The following ZNF236 variants were observed in gnomAD, a reference collection of about 807,000 sequenced individuals.
ZNF236 encodes the protein regulated by glucose.
In ZNF236, 50 loss-of-function variants were observed where a neutral mutation model predicts 191.2. That is an observed-to-expected ratio of 0.26 (90% confidence interval 0.21 to 0.33). The LOEUF (loss-of-function observed/expected upper bound fraction) is 0.33, where lower values mean the gene tolerates loss of function less well. Among genes scored for constraint, ZNF236 ranks in the 10% least tolerant of loss-of-function variants. The pLI is 1.00. For missense variants in ZNF236, 1,754 were observed against 2,374.5 expected, an observed-to-expected ratio of 0.74 and a Z score of 5.43; for synonymous variants, 907 against 928.8, an observed-to-expected ratio of 0.98 and a Z score of 0.43.
chr18:76,860,703 T>G (rs555966275), intron 3 of ZNF236, among the ~76,000 whole-genome samples: 1 of 152,360 alleles, frequency 6.6e-6, no homozygotes, highest in South Asian at 2.1e-4. Context: ...TCCCTTCGTC[T>G]CTTGCTGTTG....
Position 76,927,204 on chromosome 18 carries a change from C to T in ZNF236, c.4173+22C>T, listed in dbSNP as rs1967724635. ...GCAGGTATGACACCTTCCATGGTCT[C>T]CTGTGCTGTAATTCTCTTGGCATCA... On this transcript the variant is annotated intron_variant, in intron 23 of 30. Transcript: ENST00000320610. The surrounding 1 kb of genome is among the most constrained non-coding windows in gnomAD (Gnocchi z 5.4). The T allele has an allele frequency of 4.3e-6, 7 of 1,612,084 alleles. No individual in the cohort carries two copies. The highest frequency in any genetic ancestry group is 5.1e-6 in the Non-Finnish European group (6 of 1,178,224).
chr18:76,919,924 G>C lies in ZNF236; in HGVS notation c.3423G>C (p.Leu1141=). 2 of 1,614,208 alleles carry C rather than the reference G, an allele frequency of 1.2e-6. No individual in the cohort carries two copies. The highest frequency in any genetic ancestry group is 1.7e-6 in the Non-Finnish European group (2 of 1,180,042). The change falls in exon 20 of 31, where the codon CTG becomes CTC. Residue 1141 remains leucine, a synonymous_variant. Transcript: ENST00000320610. The surrounding 1 kb of genome is among the most constrained non-coding windows in gnomAD (Gnocchi z 5.3). ...GCGCCACGGTGTCAGAGAAGGTCCT[G>C]GTGCAGTCCGCGGCAGAAAAGGACC... ...QESATVSEKV[L]VQSAAEKDRI...
At chr18:76,825,533 A>C (rs1298135310) in intron 1 of ZNF236, among the ~76,000 whole-genome samples, 2 of 152,248 alleles carry the variant, frequency 1.3e-5, no homozygotes, top group African/African-American at 4.8e-5. Flanking sequence ...GAGAAAATGC[A>C]GAATAGATAT....
intron 11 of ZNF236, among the ~76,000 whole-genome samples, chr18:76,902,300 A>T (rs1002851828): frequency 1.3e-5 from 2 of 152,196 alleles, no homozygotes; most frequent in African/African-American, 4.8e-5. Context: ...CTTGGCTGTC[A>T]TAATCTTTGG....
In ZNF236 at chr18:76,910,818, A is replaced by G. The variant is rs1260506085; in HGVS notation, c.2805+7A>G. The G allele has an allele frequency of 6.2e-7, 1 of 1,613,904 alleles. No individual in the cohort carries two copies. Among genetic ancestry groups the G allele is most frequent in the South Asian group, 1.1e-5 (1 of 91,048 alleles). The stretch of plus-strand genomic sequence containing the variant: ...CTCTGATGGGATGAATGTAGTGAGT[A>G]TGGACAGAGGGGTGCATACATGGCA... On this transcript the variant is annotated splice_region_variant and intron_variant, in intron 16 of 30. Coordinates refer to ENST00000320610, the MANE Select transcript of ZNF236 (RefSeq NM_001306089.2).
At chr18:76,939,011 A>T (rs74182678) in intron 26 of ZNF236, among the ~76,000 whole-genome samples, 1 of 152,098 alleles carries the variant, frequency 6.6e-6, no homozygotes, top group Admixed American at 6.5e-5. Context: ...AATGTTAGCA[A>T]TTCGTATCAT....
intron 25 of ZNF236, among the ~76,000 whole-genome samples, chr18:76,928,936 G>A (rs796238393): frequency 4.0e-5 from 6 of 150,796 alleles, no homozygotes; most frequent in African/African-American, 9.8e-5. Context: ...TTTAAGACTC[G>A]TAACCTGATG....
At chr18:76,891,182 A>G (rs1319192631) in intron 9 of ZNF236, among the ~76,000 whole-genome samples, 1 of 152,148 alleles carries the variant, frequency 6.6e-6, no homozygotes, top group East Asian at 1.9e-4. Context: ...CGAGTTGTTC[A>G]AGGGTCAGTT....
At chr18:76,964,232 G>T (rs1290191997) in intron 30 of ZNF236, among the ~76,000 whole-genome samples, 2 of 152,150 alleles carry the variant, frequency 1.3e-5, no homozygotes, top group African/African-American at 4.8e-5. Flanking sequence ...TGCCTTTGCT[G>T]TATCCCAGAG....
chr18:76,833,338 T>TG (rs1018902711), intron 1 of ZNF236, among the ~76,000 whole-genome samples: 2 of 152,122 alleles, frequency 1.3e-5, no homozygotes, highest in Non-Finnish European at 1.5e-5. Context: ...GGGTTTCTTT[T>TG]GGGGGGTGGA....
intron 25 of ZNF236, chr18:76,936,295 T>C (rs1967996594): frequency 2.2e-6 from 1 of 456,116 alleles, no homozygotes; most frequent in Non-Finnish European, 4.4e-6. Context: ...ATGGCTCGAC[T>C]GTGGGATAAA....
In ZNF236 at chr18:76,823,668, GAC is replaced by G. The variant is rs1974931658; in HGVS notation, c.55+1012_55+1013del. On this transcript the variant is annotated intron_variant, in intron 1 of 30. Coordinates refer to ENST00000320610, the MANE Select transcript of ZNF236 (RefSeq NM_001306089.2). ...AAGGCCCAGAATTTAAGAGCAGGCA[GAC>G]ACACAACCGGGCACCCCCAGACCCT... is the stretch of plus-strand genomic sequence containing the variant. Among the ~76,000 whole-genome samples the G allele has an allele frequency of 3.9e-5, 6 of 152,366 alleles. No homozygotes were observed. In the South Asian group the frequency reaches 1.2e-3, roughly 32 times the overall value.
chr18:76,936,434 T>G, intron 25 of ZNF236: 3 of 456,400 alleles, frequency 6.6e-6, no homozygotes, highest in Admixed American at 2.4e-5. Context: ...AGTGTCTGTT[T>G]TGTAAAAGAA....
At chr18:76,965,661 G>T (rs192678710) in intron 30 of ZNF236, among the ~76,000 whole-genome samples, 1 of 152,292 alleles carries the variant, frequency 6.6e-6, no homozygotes, top group Admixed American at 6.5e-5. Flanking sequence ...CTTTATTCTT[G>T]GTCTAGCCGC....
At position 76,880,553 on chromosome 18, in the gene ZNF236, A is replaced by G. The variant is rs1353739318; in HGVS notation, c.1188+237A>G. On this transcript the variant is annotated intron_variant, in intron 8 of 30. Transcript: ENST00000320610. The surrounding 1 kb of genome is among the most constrained non-coding windows in gnomAD (Gnocchi z 5.0). ...AATCACAAACTTTTATTTTTTTTCC[A>G]TAAGTGAACTTTACTTGAAAAGAAC... 6.6e-6 allele frequency among the ~76,000 whole-genome samples: 1 copy of G among 151,650 alleles called. No individual in the cohort carries two copies. The highest frequency in any genetic ancestry group is 1.9e-4 in the East Asian group (1 of 5,198).
chr18:76,951,954 CACAA>C (rs1312576175), intron 27 of ZNF236, among the ~76,000 whole-genome samples: 5 of 152,202 alleles, frequency 3.3e-5, no homozygotes, highest in Non-Finnish European at 7.3e-5. Context: ...AGCAGTCAGA[CACAA>C]ACATTTATAG....
intron 1 of ZNF236, 45 bp downstream of exon 1, chr18:76,822,707 C>G (rs916497989): frequency 6.9e-6 from 1 of 145,830 alleles, no homozygotes. Flanking sequence ...GCGGCCGGTG[C>G]GGGGCCCGCG....
chr18:76,868,579 CA>C, intron 3 of ZNF236, 105 bp from the exon 4 acceptor site: 2 of 893,876 alleles, frequency 2.2e-6, no homozygotes, highest in Non-Finnish European at 1.6e-6. Flanking sequence ...TTAGAGAGAC[CA>C]AGTAGTTTTC....
At chr18:76,823,619 G>C (rs1974930171) in intron 1 of ZNF236, among the ~76,000 whole-genome samples, 1 of 152,224 alleles carries the variant, frequency 6.6e-6, no homozygotes, top group African/African-American at 2.4e-5. Context: ...AAATAACTCA[G>C]ATTTTGTTTT....
Sources: gnomAD v4.1 joint callset for allele counts (sites outside exome capture counted in the v4.1 genomes callset) on GRCh38, gnomAD v4.1.1 for gene constraint, Gnocchi (gnomAD v3.1) non-coding constraint, MANE v1.5 for transcripts, NCBI Gene and HGNC (gene_info 2026-07-23, HGNC 2026-07-21) for gene names.